LSM14A: variants seen among roughly 807,000 people sequenced by gnomAD.
LSM14A encodes LSM14A mRNA processing body assembly factor.
LSM14A carries 14 observed loss-of-function variants against 52.4 expected under a neutral mutation model. The ratio of observed to expected loss-of-function variants is 0.27; its 90% confidence interval spans 0.18 to 0.42. The LOEUF is 0.42. Ranked by LOEUF, LSM14A falls within the 10% of genes least tolerant of loss-of-function variation. LSM14A has a pLI of 1.00. For synonymous variants in LSM14A, 185 were observed against 200.3 expected (o/e 0.92, Z 0.64); for missense variants, 417 against 581.8 (o/e 0.72, Z 2.91).
intron 9 of LSM14A, among the ~76,000 whole-genome samples, chr19:34,223,663 G>A (rs571420295): frequency 1.3e-5 from 2 of 152,312 alleles, no homozygotes; most frequent in Admixed American, 6.5e-5. Flanking sequence ...TCAGACCTTC[G>A]TCTCTCTTTA....
chr19:34,215,671 T>C lies in LSM14A; in HGVS notation c.781+10T>C. 6.3e-7 allele frequency: 1 copy of C among 1,594,638 alleles called. No homozygotes were observed. Among genetic ancestry groups the C allele is most frequent in the Non-Finnish European group, 8.6e-7 (1 of 1,162,882 alleles). On this transcript the variant is annotated intron_variant, in intron 6 of 9. Transcript: ENST00000544216. Reference sequence around the variant, plus strand: ...AACAAGAGACAAGTAGGTAAGTTCTTGGATCTAAAAGTCATATTCTATGCT... The same window carrying C: ...AACAAGAGACAAGTAGGTAAGTTCTCGGATCTAAAAGTCATATTCTATGCT...
intron 9 of LSM14A, among the ~76,000 whole-genome samples, chr19:34,222,865 C>T (rs147633295): frequency 2.0e-5 from 3 of 152,266 alleles, no homozygotes; most frequent in East Asian, 1.9e-4. Context: ...GAATAGCCCT[C>T]GCTTATCACT....
At chr19:34,207,664 T>C (rs1252375886) in intron 3 of LSM14A, among the ~76,000 whole-genome samples, 1 of 152,030 alleles carries the variant, frequency 6.6e-6, no homozygotes, top group Non-Finnish European at 1.5e-5. Context: ...CCTGAGTAGC[T>C]GGGACTGCAG....
At chr19:34,201,266 G>GCT (rs2071264398) in intron 3 of LSM14A, among the ~76,000 whole-genome samples, 4 of 152,196 alleles carry the variant, frequency 2.6e-5, no homozygotes, top group African/African-American at 7.2e-5. Context: ...ACTAGTGTTA[G>GCT]AAGTTACCAA....
In LSM14A at chr19:34,215,311, A is replaced by G. The variant is rs2072495740; in HGVS notation, c.715+11A>G. 4 of 1,601,340 alleles carry G rather than the reference A, an allele frequency of 2.5e-6. No individual in the cohort carries two copies. In the East Asian group the frequency reaches 8.9e-5, roughly 36 times the overall value. On this transcript the variant is annotated intron_variant, in intron 5 of 9. Transcript: ENST00000544216. ...AGGAGCACAGGCGAGGTAGAACTTT[A>G]GCTGTTTACTGTTCCTTAATTGACT...
chr19:34,227,341 G>A (rs779881803), intron 9 of LSM14A, 24 bp from the exon 10 acceptor site: 1 of 1,554,478 alleles, frequency 6.4e-7, no homozygotes, highest in Non-Finnish European at 8.8e-7. Context: ...TGGAACATGA[G>A]CTAAATTTTT....
chr19:34,172,896 C>T, intron 1 of LSM14A, 133 bp downstream of exon 1: 1 of 1,105,716 alleles, frequency 9.0e-7, no homozygotes, highest in Non-Finnish European at 1.2e-6. Flanking sequence ...CCTCCCTTCT[C>T]CGGGCCCCGG....
At chr19:34,201,249 T>G (rs2071263111) in intron 3 of LSM14A, among the ~76,000 whole-genome samples, 1 of 152,206 alleles carries the variant, frequency 6.6e-6, no homozygotes, top group Non-Finnish European at 1.5e-5. Context: ...GAGTGGCTAA[T>G]TAGAAAACTA....
At chr19:34,193,328 A>AAGTT (rs1555768099) in intron 1 of LSM14A, among the ~76,000 whole-genome samples, 1 of 87,970 alleles carries the variant, frequency 1.1e-5, no homozygotes, top group Non-Finnish European at 2.5e-5. Context: ...ATTTTTAAAA[A>AAGTT]TGTTTATTTT....
At chr19:34,198,020 TA>T (rs143552235) in intron 3 of LSM14A, among the ~76,000 whole-genome samples, 44 of 149,450 alleles carry the variant, frequency 2.9e-4, no homozygotes, top group East Asian at 1.8e-3. Flanking sequence ...GAACAGCTTT[TA>T]AAAAAAAATC....
intron 2 of LSM14A, 139 bp downstream of exon 2, chr19:34,194,780 C>G (rs907499882): frequency 9.1e-6 from 7 of 769,140 alleles, no homozygotes; most frequent in Non-Finnish European, 1.6e-5. Context: ...GGATAATGTT[C>G]TCATCTAGGT....
chr19:34,224,307 G>T (rs546597568), intron 9 of LSM14A, among the ~76,000 whole-genome samples: 42 of 152,272 alleles, frequency 2.8e-4, no homozygotes, highest in African/African-American at 9.1e-4. Context: ...CTCCAGCCTG[G>T]GCGACAGAGC....
chr19:34,192,316 G>GTTATTT (rs1306000214), intron 1 of LSM14A, among the ~76,000 whole-genome samples: 1 of 65,822 alleles, frequency 1.5e-5, no homozygotes, highest in Non-Finnish European at 2.9e-5. Flanking sequence ...CATTCTTTTT[G>GTTATTT]TTGTTTTTTT....
At chr19:34,198,174 G>A (rs571554001) in intron 3 of LSM14A, among the ~76,000 whole-genome samples, 1 of 152,096 alleles carries the variant, frequency 6.6e-6, no homozygotes, top group South Asian at 2.1e-4. Context: ...AGTTTCAGGT[G>A]TATCTTGAAA....
chr19:34,203,112 A>G (rs1172156175), intron 3 of LSM14A, among the ~76,000 whole-genome samples: 1 of 152,234 alleles, frequency 6.6e-6, no homozygotes, highest in Non-Finnish European at 1.5e-5. Context: ...CAGTAGCAAG[A>G]GCTTACTGCT....
chr19:34,219,507 A>G lies in LSM14A; in HGVS notation c.898A>G (p.Ser300Gly), dbSNP rs769238519. 3 of 1,614,048 alleles carry G rather than the reference A, an allele frequency of 1.9e-6. No homozygotes were observed. Among genetic ancestry groups the G allele is most frequent in the Non-Finnish European group, 2.5e-6 (3 of 1,179,942 alleles). Residue 300 changes from serine (S) to glycine (G), a missense_variant, in exon 7 of 10, where the codon AGT (serine) becomes GGT (glycine). Coordinates refer to ENST00000544216, the MANE Select transcript of LSM14A (RefSeq NM_015578.4). ...MKFEKDFDFE[S>G]ANAQFNKEEI... ...ATTTGAGAAAGACTTTGACTTTGAA[A>G]GTGCAAATGCACAATTCAACAAGGA...
At chr19:34,206,198 C>T (rs1180230213) in intron 3 of LSM14A, among the ~76,000 whole-genome samples, 1 of 152,176 alleles carries the variant, frequency 6.6e-6, no homozygotes, top group African/African-American at 2.4e-5. Flanking sequence ...ATAATTTTCA[C>T]TAATCTTACA....
rs2069584451 is a variant in LSM14A, at chr19:34,182,809, A to C, written c.121+10046A>C. ...CAGTGAGCCAAGATTATACCAGTGC[A>C]CTCCAGCCTAAGCGACAGTGAGACT... is the stretch of plus-strand genomic sequence containing the variant. On this transcript the variant is annotated intron_variant, in intron 1 of 9. Transcript: ENST00000544216. 4.9e-5 allele frequency among the ~76,000 whole-genome samples: 7 copies of C among 143,536 alleles called. No individual in the cohort carries two copies. In the South Asian group the frequency reaches 1.5e-3, roughly 32 times the overall value. The allele number at this position is 143,536 out of a possible 152,430, so 94.2% of individuals were successfully genotyped here. A position where few individuals can be genotyped will look rare whatever the true frequency, so the allele number is the denominator to read the frequency against.
At chr19:34,180,510 G>C (rs1366689808) in intron 1 of LSM14A, among the ~76,000 whole-genome samples, 1 of 152,088 alleles carries the variant, frequency 6.6e-6, no homozygotes, top group Admixed American at 6.6e-5. Context: ...TTTAATGTTG[G>C]TGCTTAATAG....
Sources: allele counts gnomAD v4.1 joint callset (sites outside exome capture counted in the v4.1 genomes callset), GRCh38; gene constraint gnomAD v4.1.1; transcripts MANE v1.5; gene names NCBI Gene and HGNC (gene_info 2026-07-23, HGNC 2026-07-21).